The following CHST4 variants were observed in gnomAD, a reference collection of about 807,000 sequenced individuals.
CHST4 encodes carbohydrate sulfotransferase 4.
For missense variants in CHST4, 466 were observed against 506.0 expected (o/e 0.92, Z 0.76); for synonymous variants, 171 against 195.5 (o/e 0.87, Z 1.05).
chr16:71,537,388 G>A lies in CHST4; in HGVS notation c.711G>A (p.Lys237=). The stretch of plus-strand genomic sequence containing the variant: ...TGGGGCAGCATGAGCAAAAACTCAA[G>A]AAGGAGGACCAACCCTACTATGTGA... ...IVMGQHEQKL[K]KEDQPYYVMQ... Residue 237 remains lysine, a synonymous_variant, in exon 2 of 2, where the codon AAG becomes AAA. Transcript: ENST00000539698. The surrounding 1 kb of genome is among the most constrained non-coding windows in gnomAD (Gnocchi z 4.2). 1.9e-6 allele frequency: 3 copies of A among 1,614,082 alleles called. No homozygotes were observed. The highest frequency in any genetic ancestry group is 2.5e-6 in the Non-Finnish European group (3 of 1,179,976).
chr16:71,535,998 T>C (rs1161757503), intron 1 of CHST4, among the ~76,000 whole-genome samples: 1 of 152,094 alleles, frequency 6.6e-6, no homozygotes, highest in East Asian at 1.9e-4. Context: ...AGCAGATAAA[T>C]AGATGACAGG....
intron 1 of CHST4, among the ~76,000 whole-genome samples, chr16:71,530,901 C>A (rs1007950055): frequency 6.6e-6 from 1 of 151,904 alleles, no homozygotes; most frequent in Non-Finnish European, 1.5e-5. Context: ...GCCAACATGG[C>A]GAAACCCTGT....
chr16:71,532,269 G>A (rs886329067), intron 1 of CHST4, among the ~76,000 whole-genome samples: 6 of 151,934 alleles, frequency 3.9e-5, no homozygotes, highest in Non-Finnish European at 8.8e-5. Flanking sequence ...GGATGGTCTC[G>A]ATCTCCTGAC....
At chr16:71,532,370 A>C (rs1298489486) in intron 1 of CHST4, among the ~76,000 whole-genome samples, 1 of 152,088 alleles carries the variant, frequency 6.6e-6, no homozygotes, top group Non-Finnish European at 1.5e-5. Context: ...TCTAATCTGC[A>C]GGGCTAAGAC....
At chr16:71,529,279 T>C (rs965523724) in intron 1 of CHST4, among the ~76,000 whole-genome samples, 7 of 152,190 alleles carry the variant, frequency 4.6e-5, no homozygotes, top group South Asian at 2.1e-4. Flanking sequence ...ATGCTTGGTA[T>C]AGTAACTGTT....
chr16:71,531,022 A>G (rs991530973), intron 1 of CHST4, among the ~76,000 whole-genome samples: 1 of 152,206 alleles, frequency 6.6e-6, no homozygotes, highest in Non-Finnish European at 1.5e-5. Flanking sequence ...CAGAAGTTGC[A>G]GTGAGCTGAG....
intron 1 of CHST4, among the ~76,000 whole-genome samples, chr16:71,528,515 C>T (rs2043924458): frequency 6.6e-6 from 1 of 152,200 alleles, no homozygotes; most frequent in South Asian, 2.1e-4. Context: ...CCTCCTGACA[C>T]TGTCTAGGAA....
intron 1 of CHST4, among the ~76,000 whole-genome samples, chr16:71,526,844 TCTC>T (rs1008456078): frequency 6.6e-6 from 1 of 152,196 alleles, no homozygotes; most frequent in Non-Finnish European, 1.5e-5. Context: ...TCCTGCAGCT[TCTC>T]CTCTGTTTTC....
chr16:71,532,353 G>T (rs1386676121), intron 1 of CHST4, among the ~76,000 whole-genome samples: 2 of 152,008 alleles, frequency 1.3e-5, no homozygotes, highest in African/African-American at 4.8e-5. Flanking sequence ...GGCCTAGCTG[G>T]TCCTGTTCTA....
intron 1 of CHST4, among the ~76,000 whole-genome samples, chr16:71,533,282 G>A (rs1028859754): frequency 3.3e-5 from 5 of 151,946 alleles, no homozygotes; most frequent in South Asian, 2.1e-4. Flanking sequence ...AAAATTAGCC[G>A]GGCGTGGTGG....
intron 1 of CHST4, among the ~76,000 whole-genome samples, chr16:71,533,095 T>G (rs1324079197): frequency 6.6e-6 from 1 of 152,050 alleles, no homozygotes; most frequent in Non-Finnish European, 1.5e-5. Context: ...TGAATGTTCT[T>G]GTGTACACAT....
chr16:71,537,566 G>C lies in CHST4; in HGVS notation c.889G>C (p.Glu297Gln). The C allele has an allele frequency of 6.2e-7, 1 of 1,614,174 alleles. No homozygotes were observed. The highest frequency in any genetic ancestry group is 8.5e-7 in the Non-Finnish European group (1 of 1,180,050). ...TSRMYEFVGLEFLPHLQTWVH... is the reference protein window; with the variant it reads ...TSRMYEFVGLQFLPHLQTWVH... ...CCGAATGTATGAATTCGTGGGATTGGAATTCTTGCCCCATCTTCAGACCTG... is the reference window on the plus strand; with the variant it reads ...CCGAATGTATGAATTCGTGGGATTGCAATTCTTGCCCCATCTTCAGACCTG... The change falls in exon 2 of 2, where the codon GAA (glutamate) becomes CAA (glutamine). Residue 297 changes from glutamate to glutamine, a missense_variant. Transcript: ENST00000539698. This position sits in a 1 kb window ranked among gnomAD's most constrained non-coding sequence, Gnocchi z 4.2.
chr16:71,530,705 TC>T (rs2043942010), intron 1 of CHST4, among the ~76,000 whole-genome samples: 1 of 151,770 alleles, frequency 6.6e-6, no homozygotes. Context: ...GCCCAGGAGT[TC>T]AAGGCTGCAG....
At position 71,537,892 on chromosome 16, in the gene CHST4, G is replaced by T; in HGVS notation, c.*54G>T. On this transcript the variant is annotated 3_prime_UTR_variant, in exon 2 of 2. Coordinates refer to ENST00000539698, the MANE Select transcript of CHST4 (RefSeq NM_001166395.2). The surrounding 1 kb of genome is among the most constrained non-coding windows in gnomAD (Gnocchi z 4.2). ...GGTGTCAGCCTCAGTCACTTTCTCT[G>T]AATGCTTCTGAGCCTTGCCTACATC... The T allele has an allele frequency of 6.7e-7, 1 of 1,503,684 alleles. No homozygotes were observed. The highest frequency in any genetic ancestry group is 9.0e-7 in the Non-Finnish European group (1 of 1,105,540). 93.1% of individuals were successfully genotyped at this position (1,503,684 alleles called of 1,614,324 possible).
At chr16:71,527,644 G>A (rs960441434) in intron 1 of CHST4, among the ~76,000 whole-genome samples, 1 of 152,120 alleles carries the variant, frequency 6.6e-6, no homozygotes, top group African/African-American at 2.4e-5. Context: ...CAGCTACTCA[G>A]GAGGCTGAGG....
chr16:71,535,192 A>G (rs1236847072), intron 1 of CHST4, among the ~76,000 whole-genome samples: 3 of 152,036 alleles, frequency 2.0e-5, no homozygotes, highest in Middle Eastern at 3.2e-3. Context: ...GTTTTTTTGG[A>G]GATGGAGTCT....
intron 1 of CHST4, among the ~76,000 whole-genome samples, chr16:71,533,152 G>A (rs1275294691): frequency 6.6e-6 from 1 of 152,178 alleles, no homozygotes; most frequent in Non-Finnish European, 1.5e-5. Context: ...GCCAGGCACA[G>A]TGGCTCATGC....
chr16:71,529,107 G>GT (rs397717246), intron 1 of CHST4, among the ~76,000 whole-genome samples: 4,424 of 135,950 alleles, frequency 0.033, 140 homozygotes, highest in African/African-American at 0.087. Flanking sequence ...TTTGTTTTTT[G>GT]TTTTTTTTTT....
rs1353050916 is a variant in CHST4 at position 71,538,529 on chromosome 16, TC to T, written c.*694del. Reference sequence around the variant, plus strand: ...CCCAAATAAGGTTCTGTTTAGAATGTCCCTTTTTATGCTTCTTAATTATTAG... The same window carrying T: ...CCCAAATAAGGTTCTGTTTAGAATGTCCTTTTTATGCTTCTTAATTATTAG... On this transcript the variant is annotated 3_prime_UTR_variant, in exon 2 of 2. Coordinates refer to ENST00000539698, the MANE Select transcript of CHST4 (RefSeq NM_001166395.2). 3.6e-5 allele frequency: 6 copies of T among 167,128 alleles called. No homozygotes were observed. Among genetic ancestry groups the T allele is most frequent in the Admixed American group, 1.3e-4 (2 of 15,284 alleles). The allele number at this position is 167,128 out of a possible 1,614,324, so 10.4% of individuals were successfully genotyped here. A position where few individuals can be genotyped will look rare whatever the true frequency, so the allele number is the denominator to read the frequency against.
Sources: gnomAD v4.1 joint callset for allele counts (sites outside exome capture counted in the v4.1 genomes callset) on GRCh38, gnomAD v4.1.1 for gene constraint, Gnocchi (gnomAD v3.1) non-coding constraint, MANE v1.5 for transcripts, NCBI Gene and HGNC (gene_info 2026-07-23, HGNC 2026-07-21) for gene names.